CFAP299: variants seen among roughly 807,000 people sequenced by gnomAD.
CFAP299 encodes cilia and flagella associated protein 299, also known as cilia- and flagella-associated protein 299.
CFAP299 carries 21 observed loss-of-function variants against 27.0 expected under a neutral mutation model. That is an observed-to-expected ratio of 0.78 (90% CI 0.55 to 1.12). The LOEUF (loss-of-function observed/expected upper bound fraction) is 1.12, where lower values mean the gene tolerates loss of function less well. CFAP299 is among the 50% of genes most tolerant of loss of function. CFAP299 has a pLI of 0.00. For missense variants in CFAP299, 310 were observed against 276.6 expected (o/e 1.12, Z -0.86); for synonymous variants, 104 against 98.1 (o/e 1.06, Z -0.36).
intron 2 of CFAP299, among the ~76,000 whole-genome samples, chr4:80,367,591 G>T (rs911932410): frequency 6.6e-6 from 1 of 152,220 alleles, no homozygotes; most frequent in Non-Finnish European, 1.5e-5. Context: ...TGTGGGGCAG[G>T]GTCGGGGGGA....
intron 2 of CFAP299, among the ~76,000 whole-genome samples, chr4:80,496,444 C>T (rs1731444856): frequency 6.6e-6 from 1 of 152,174 alleles, no homozygotes; most frequent in Non-Finnish European, 1.5e-5. Context: ...ACCTTTGCTC[C>T]AGTTCCCAAT....
At chr4:80,656,534 G>A (rs775817856) in intron 3 of CFAP299, among the ~76,000 whole-genome samples, 3 of 152,096 alleles carry the variant, frequency 2.0e-5, no homozygotes, top group Non-Finnish European at 4.4e-5. Context: ...CTTGATCCAT[G>A]TCACTGCAAA....
chr4:80,617,084 A>G (rs1246113456), intron 3 of CFAP299, among the ~76,000 whole-genome samples: 1 of 152,196 alleles, frequency 6.6e-6, no homozygotes, highest in East Asian at 1.9e-4. Context: ...TGAGAGTACT[A>G]GACCACTATT....
intron 3 of CFAP299, among the ~76,000 whole-genome samples, chr4:80,799,972 A>G (rs1430811243): frequency 1.7e-5 from 1 of 58,514 alleles, no homozygotes; most frequent in African/African-American, 7.1e-5. Flanking sequence ...TAATATTTAT[A>G]TAATATAATA....
intron 3 of CFAP299, among the ~76,000 whole-genome samples, chr4:80,719,771 C>T (rs1227830176): frequency 6.6e-6 from 1 of 152,124 alleles, no homozygotes; most frequent in Admixed American, 6.6e-5. Context: ...TTGTCCAGCT[C>T]ACCATCTTGT....
chr4:80,436,519 G>A (rs1232394466), intron 2 of CFAP299, among the ~76,000 whole-genome samples: 1 of 152,046 alleles, frequency 6.6e-6, no homozygotes, highest in Non-Finnish European at 1.5e-5. Context: ...AGCCAGGATG[G>A]TCTCAATCTC....
chr4:80,944,901 T>A lies in CFAP299; in HGVS notation c.568T>A (p.Tyr190Asn), dbSNP rs780115293. The A allele has an allele frequency of 3.1e-6, 5 of 1,613,104 alleles. No individual in the cohort carries two copies. Among genetic ancestry groups the A allele is most frequent in the Admixed American group, 3.3e-5 (2 of 59,898 alleles). ...TAATCCAGAAGGCTTACTTTTCAGA[T>A]ACAAAAGAGACAGAAAAATTCTTAA... ...ADNPEGLLFR[Y>N]KRDRKILNVD... The change falls in exon 5 of 6, where the codon TAC becomes AAC. Residue 190 changes from tyrosine to asparagine, a missense_variant. Coordinates refer to ENST00000358105, the MANE Select transcript of CFAP299 (RefSeq NM_152770.3).
chr4:80,492,020 G>A (rs1731160902), intron 2 of CFAP299, among the ~76,000 whole-genome samples: 1 of 152,122 alleles, frequency 6.6e-6, no homozygotes. Flanking sequence ...TCCACAATCT[G>A]TATCTTATTT....
chr4:80,771,592 C>A (rs556757505), intron 3 of CFAP299, among the ~76,000 whole-genome samples: 2 of 152,166 alleles, frequency 1.3e-5, no homozygotes, highest in Non-Finnish European at 2.9e-5. Flanking sequence ...ATAGGCTTTT[C>A]TGTCCCTTTT....
intron 3 of CFAP299, among the ~76,000 whole-genome samples, chr4:80,605,271 G>A (rs768662578): frequency 2.0e-5 from 3 of 152,084 alleles, no homozygotes; most frequent in Non-Finnish European, 2.9e-5. Context: ...ACAACATTTA[G>A]TTTTCAGCCA....
intron 3 of CFAP299, among the ~76,000 whole-genome samples, chr4:80,804,994 T>A (rs1728793047): frequency 6.6e-6 from 1 of 152,102 alleles, no homozygotes; most frequent in African/African-American, 2.4e-5. Context: ...TTGGAGTGAA[T>A]CATTTAATTT....
At chr4:80,890,158 G>C (rs1237249137) in intron 4 of CFAP299, among the ~76,000 whole-genome samples, 2 of 152,046 alleles carry the variant, frequency 1.3e-5, no homozygotes, top group African/African-American at 2.4e-5. Flanking sequence ...GAAATAGAGG[G>C]CATCCAAACT....
At chr4:80,494,627 A>G (rs939470370) in intron 2 of CFAP299, among the ~76,000 whole-genome samples, 6 of 152,160 alleles carry the variant, frequency 3.9e-5, no homozygotes, top group Admixed American at 6.5e-5. Context: ...TCCAATTTTA[A>G]CTATGATTTC....
chr4:80,784,485 T>C (rs1727124393), intron 3 of CFAP299, among the ~76,000 whole-genome samples: 1 of 151,966 alleles, frequency 6.6e-6, no homozygotes, highest in Admixed American at 6.6e-5. Context: ...GGCCTCTTTC[T>C]TTCTTTCTTT....
rs1157151026 is a variant in CFAP299 at position 80,380,439 on chromosome 4, T to C, written c.242+17555T>C. Among the ~76,000 whole-genome samples, 7 of 148,052 alleles carry C rather than the reference T, an allele frequency of 4.7e-5. No individual in the cohort carries two copies. The East Asian group carries it at 1.4e-3, about 29-fold the overall frequency. On this transcript the variant is annotated intron_variant, in intron 2 of 5. Transcript: ENST00000358105. The stretch of plus-strand genomic sequence containing the variant: ...TGTCTCACATTTTTTTTTTTTTTTT[T>C]TTTTTTTAGATAGAATCTCACTCTG...
rs776317031 is a variant in CFAP299, at chr4:80,362,732, TAAC to T, written c.112-18_112-16del. The T allele has an allele frequency of 5.0e-6, 8 of 1,585,366 alleles. No individual in the cohort carries two copies. Among genetic ancestry groups the T allele is most frequent in the Non-Finnish European group, 6.0e-6 (7 of 1,171,348 alleles). On this transcript the variant is annotated intron_variant, in intron 1 of 5. Transcript: ENST00000358105. ...AGTATGTCTCATTTGCCCACTCACC[TAAC>T]AACTGATTTTCTCTCTAGGATGAAA...
Position 80,871,570 on chromosome 4 carries a change from G to A in CFAP299, c.476+1435G>A, listed in dbSNP as rs368644840. Reference sequence around the variant, plus strand: ...TCTGTGTCACCTGTCTTGGCAAATGGCATCACCCTTGAAACCAAAGGCAAA... The same window carrying A: ...TCTGTGTCACCTGTCTTGGCAAATGACATCACCCTTGAAACCAAAGGCAAA... On this transcript the variant is annotated intron_variant, in intron 4 of 5. Transcript: ENST00000358105. The A allele has an allele frequency of 5.4e-5, 53 of 985,208 alleles. No individual in the cohort carries two copies. The South Asian group carries it at 2.3e-3, about 44-fold the overall frequency. The allele number at this position is 985,208 out of a possible 1,614,324, so 61.0% of individuals were successfully genotyped here. A position where few individuals can be genotyped will look rare whatever the true frequency, so the allele number is the denominator to read the frequency against.
At chr4:80,738,472 C>T (rs763249101) in intron 3 of CFAP299, among the ~76,000 whole-genome samples, 1 of 151,976 alleles carries the variant, frequency 6.6e-6, no homozygotes, top group Non-Finnish European at 1.5e-5. Context: ...AACCCTTTAA[C>T]ATTGTATAAT....
chr4:80,758,557 C>T (rs1170776911), intron 3 of CFAP299, among the ~76,000 whole-genome samples: 1 of 152,044 alleles, frequency 6.6e-6, no homozygotes, highest in African/African-American at 2.4e-5. Flanking sequence ...AGTGGGCTCT[C>T]GCCAGAGACC....
Sources: allele counts gnomAD v4.1 joint callset (sites outside exome capture counted in the v4.1 genomes callset), GRCh38; gene constraint gnomAD v4.1.1; transcripts MANE v1.5; gene names NCBI Gene and HGNC (gene_info 2026-07-23, HGNC 2026-07-21).